SRCAP: variants seen among roughly 807,000 people sequenced by gnomAD.
The protein encoded by SRCAP is Snf2 related CREBBP activator protein.
A neutral mutation model predicts 263.1 loss-of-function variants in SRCAP; 46 were observed. The observed-to-expected ratio is 0.17, with a 90% CI of 0.14 to 0.22. The LOEUF (loss-of-function observed/expected upper bound fraction) is 0.22. Ranked by LOEUF, SRCAP falls within the 10% of genes least tolerant of loss-of-function variation. SRCAP has a pLI of 1.00. For missense variants in SRCAP, 3,695 were observed against 4,181.9 expected (o/e 0.88, Z 3.21); for synonymous variants, 1,813 against 1,662.1 (o/e 1.09, Z -2.21).
At chr16:30,730,436 C>G (rs1268185670) in intron 27 of SRCAP, among the ~76,000 whole-genome samples, 1 of 151,666 alleles carries the variant, frequency 6.6e-6, no homozygotes, top group African/African-American at 2.4e-5. Flanking sequence ...TTCCTTCTTT[C>G]TTTCTTTTTT....
chr16:30,734,217 C>T, intron 30 of SRCAP: 1 of 620,290 alleles, frequency 1.6e-6, no homozygotes, highest in Non-Finnish European at 2.7e-6. Context: ...GTGGTGGGCG[C>T]CTGTAATCCC....
At chr16:30,726,522 C>G (rs2053066052) in intron 25 of SRCAP, among the ~76,000 whole-genome samples, 1 of 141,134 alleles carries the variant, frequency 7.1e-6, no homozygotes, top group Non-Finnish European at 1.6e-5. Context: ...TGAGCCAATA[C>G]TTTTTTTTTT....
At chr16:30,718,951 C>T (rs1444924889) in intron 18 of SRCAP, among the ~76,000 whole-genome samples, 2 of 150,768 alleles carry the variant, frequency 1.3e-5, no homozygotes, top group African/African-American at 4.9e-5. Flanking sequence ...GGCTGGAGTA[C>T]AATGGTGCAG....
intron 3 of SRCAP, among the ~76,000 whole-genome samples, chr16:30,702,205 A>G (rs533496275): frequency 4.0e-5 from 6 of 150,844 alleles, no homozygotes; most frequent in African/African-American, 1.5e-4. Flanking sequence ...CGCCTTACTC[A>G]GCCTCTCAAA....
rs749962222 is a variant in SRCAP, at chr16:30,713,686, A to G, written c.2468A>G (p.Glu823Gly). 1 of 1,614,084 alleles carries G rather than the reference A, an allele frequency of 6.2e-7. No individual in the cohort carries two copies. The highest frequency in any genetic ancestry group is 1.7e-5 in the Admixed American group (1 of 60,018). The change falls in exon 16 of 34, where the codon GAA (glutamate) becomes GGA (glycine). Residue 823 changes from glutamate (E) to glycine (G), a missense_variant. Transcript: ENST00000262518. ...ATTGAGGGCAGCCAAGAGTATAATG[A>G]AGGTCTAGTCAAACGCCTCCACAAG... is the stretch of plus-strand genomic sequence containing the variant. The part of the protein sequence containing the change: ...GMIEGSQEYN[E>G]GLVKRLHKVL...
At position 30,724,471 on chromosome 16, in the gene SRCAP, C is replaced by G. The variant is rs753607138; in HGVS notation, c.5047C>G (p.Leu1683Val). Residue 1683 changes from leucine to valine, a missense_variant, in exon 25 of 34, where the codon CTA (leucine) becomes GTA (valine). Physicochemically the swap from Leu to Val is conservative, Grantham distance 32. This residue lies in a region of SRCAP where 1,347 missense variants were observed against 1,304.4 expected (regional missense o/e 1.03). Transcript: ENST00000262518. ...PSPASTQTLA[L>V]APALAPTLGG... Reference sequence around the variant, plus strand: ...CCCGGCTTCTACGCAGACACTGGCCCTAGCCCCAGCTTTAGCACCCACTCT... The same window carrying G: ...CCCGGCTTCTACGCAGACACTGGCCGTAGCCCCAGCTTTAGCACCCACTCT... The G allele has an allele frequency of 6.2e-7, 1 of 1,614,232 alleles. No homozygotes were observed. The highest frequency in any genetic ancestry group is 2.2e-5 in the East Asian group (1 of 44,886).
intron 4 of SRCAP, among the ~76,000 whole-genome samples, chr16:30,705,507 C>A (rs2052816891): frequency 6.7e-6 from 1 of 148,784 alleles, no homozygotes; most frequent in African/African-American, 2.5e-5. Flanking sequence ...CACAGCCATT[C>A]TCTGGCCTCA....
At chr16:30,705,334 C>T (rs142055334) in intron 4 of SRCAP, among the ~76,000 whole-genome samples, 34 of 152,240 alleles carry the variant, frequency 2.2e-4, no homozygotes, top group African/African-American at 6.5e-4. Context: ...TCTCACCCAC[C>T]GACCCATTTG....
At chr16:30,714,868 T>C (rs918037294) in intron 16 of SRCAP, among the ~76,000 whole-genome samples, 1 of 152,184 alleles carries the variant, frequency 6.6e-6, no homozygotes, top group African/African-American at 2.4e-5. Flanking sequence ...TTGAGTAGAA[T>C]GGTACTGCTG....
intron 1 of SRCAP, among the ~76,000 whole-genome samples, chr16:30,699,475 G>A (rs1254781646): frequency 1.3e-5 from 2 of 152,108 alleles, no homozygotes; most frequent in African/African-American, 4.8e-5. Context: ...CGCAGGTATG[G>A]GATATACAGC....
At chr16:30,713,115 C>CT in intron 14 of SRCAP, 93 bp from the exon 15 acceptor site, 1 of 1,366,432 alleles carries the variant, frequency 7.3e-7, no homozygotes, top group Non-Finnish European at 1.0e-6. Context: ...TTCTTCCAAC[C>CT]TGATTACTGT....
In SRCAP at chr16:30,739,377, C is replaced by G. The variant is rs1223308921; in HGVS notation, c.9337C>G (p.Leu3113Val). 1.2e-6 allele frequency: 2 copies of G among 1,614,234 alleles called. No homozygotes were observed. The highest frequency in any genetic ancestry group is 1.7e-5 in the Admixed American group (1 of 60,028). ...GLELTPPVVS[L>V]TPKLRSTRLR... Reference sequence around the variant, plus strand: ...GGAATTGACACCACCTGTGGTCTCACTAACCCCAAAACTGCGCTCGACCCG... The same window carrying G: ...GGAATTGACACCACCTGTGGTCTCAGTAACCCCAAAACTGCGCTCGACCCG... Residue 3113 changes from leucine (L) to valine (V), a missense_variant, in exon 34 of 34, where the codon CTA (leucine) becomes GTA (valine). Leu to Val is a conservative substitution (Grantham distance 32). Around this residue, in one of 12 missense-constraint regions of SRCAP, gnomAD observed 1,207 missense variants for 1,142.9 expected, o/e 1.06. Coordinates refer to ENST00000262518, the MANE Select transcript of SRCAP (RefSeq NM_006662.3).
In SRCAP at chr16:30,699,251, G is replaced by A; in HGVS notation, c.-284+9G>A. The A allele has an allele frequency of 5.0e-6, 2 of 398,702 alleles. No individual in the cohort carries two copies. Among genetic ancestry groups the A allele is most frequent in the Non-Finnish European group, 8.8e-6 (2 of 226,120 alleles). 24.7% of individuals were successfully genotyped at this position (398,702 alleles called of 1,614,324 possible). On this transcript the variant is annotated intron_variant, in intron 1 of 33. Transcript: ENST00000262518. ...AGGCTTGTTGGCTTCTGGTGAGCTC[G>A]GGTCTTGGGAACGTGTGGCGGAGTA...
chr16:30,733,686 A>G lies in SRCAP; in HGVS notation c.6382A>G (p.Thr2128Ala). The change falls in exon 29 of 34, where the codon ACA becomes GCA. Residue 2128 changes from threonine (T) to alanine (A), a missense_variant. Around this residue, in one of 12 missense-constraint regions of SRCAP, gnomAD observed 138 missense variants for 254.9 expected, o/e 0.54. Transcript: ENST00000262518. The surrounding 1 kb of genome is among the most constrained non-coding windows in gnomAD (Gnocchi z 5.3). ...GAGTGGGGGTGTGGGCGTGAACCTGACAGGAGCAGACACTGTTGTTTTTTA... is the reference window on the plus strand; with the variant it reads ...GAGTGGGGGTGTGGGCGTGAACCTGGCAGGAGCAGACACTGTTGTTTTTTA... Reference protein sequence around the residue: ...TRSGGVGVNLTGADTVVFYDS... With the variant: ...TRSGGVGVNLAGADTVVFYDS... 1 of 1,614,100 alleles carries G rather than the reference A, an allele frequency of 6.2e-7. No homozygotes were observed. The highest frequency in any genetic ancestry group is 8.5e-7 in the Non-Finnish European group (1 of 1,180,026).
At position 30,712,459 on chromosome 16, in the gene SRCAP, T is replaced by C; in HGVS notation, c.1993+20T>C. ...AGAAAGGTAAGTAGGCAAGGCCCCT[T>C]CTTTTGTTCCCCCTAGTCTAGCTCC... On this transcript the variant is annotated intron_variant, in intron 13 of 33. Coordinates refer to ENST00000262518, the MANE Select transcript of SRCAP (RefSeq NM_006662.3). 1 of 1,550,070 alleles carries C rather than the reference T, an allele frequency of 6.5e-7. No individual in the cohort carries two copies. Among genetic ancestry groups the C allele is most frequent in the Non-Finnish European group, 8.7e-7 (1 of 1,151,102 alleles).
Position 30,721,274 on chromosome 16 carries a change from A to G in SRCAP, c.3339A>G (p.Pro1113=), listed in dbSNP as rs755067361. 6.8e-6 allele frequency: 11 copies of G among 1,613,886 alleles called. 1 individual carries two copies. Among genetic ancestry groups the G allele is most frequent in the South Asian group, 6.6e-5 (6 of 91,074 alleles). The change falls in exon 21 of 34, where the codon CCA becomes CCG. Residue 1113 remains proline, a synonymous_variant. Coordinates refer to ENST00000262518, the MANE Select transcript of SRCAP (RefSeq NM_006662.3). ...CCCTAAAGCCAACACCACCTGCCCCAGTTCGCCTGAGCCCAGCCCCACCTC... is the reference window on the plus strand; with the variant it reads ...CCCTAAAGCCAACACCACCTGCCCCGGTTCGCCTGAGCCCAGCCCCACCTC... ...TLSLKPTPPA[P]VRLSPAPPPG...
Position 30,722,709 on chromosome 16 carries a change from G to C in SRCAP, c.3853G>C (p.Ala1285Pro). ...TTCTTCGACCCCCAGCACCACCCCTGCCCCTACTGGCCTCAGCCTTCCGCT... is the reference window on the plus strand; with the variant it reads ...TTCTTCGACCCCCAGCACCACCCCTCCCCCTACTGGCCTCAGCCTTCCGCT... The part of the protein sequence containing the change: ...LPSSTPSTTP[A>P]PTGLSLPLAA... The change falls in exon 23 of 34, where the codon GCC (alanine) becomes CCC (proline). Residue 1285 changes from alanine to proline, a missense_variant. By Grantham distance (27) the Ala-to-Pro change is conservative. This residue lies in a region of SRCAP where 1,347 missense variants were observed against 1,304.4 expected (regional missense o/e 1.03). Coordinates refer to ENST00000262518, the MANE Select transcript of SRCAP (RefSeq NM_006662.3). The C allele has an allele frequency of 6.2e-7, 1 of 1,613,266 alleles. No homozygotes were observed. The highest frequency in any genetic ancestry group is 2.2e-5 in the East Asian group (1 of 44,788).
intron 25 of SRCAP, chr16:30,725,950 ATATT>A (rs1334477853): frequency 6.6e-6 from 1 of 152,036 alleles, no homozygotes; most frequent in African/African-American, 2.4e-5. Flanking sequence ...GGTTTTTAAT[ATATT>A]TATAGGGTTG....
In SRCAP at chr16:30,736,555, G is replaced by A. The variant is rs751044600; in HGVS notation, c.6939G>A (p.Glu2313=). 5 of 1,614,194 alleles carry A rather than the reference G, an allele frequency of 3.1e-6. No individual in the cohort carries two copies. Among genetic ancestry groups the A allele is most frequent in the Non-Finnish European group, 4.2e-6 (5 of 1,180,034 alleles). Residue 2313 remains glutamate (E), a synonymous_variant, in exon 33 of 34, where the codon GAG becomes GAA. Coordinates refer to ENST00000262518, the MANE Select transcript of SRCAP (RefSeq NM_006662.3). ...CCTCCTTGCAGCTGACCCCCATTGA[G>A]CGCTATGCCATGAAATTCCTGGAGG... ...AALVEQLTPI[E]RYAMKFLEAS... is the part of the protein sequence containing the mutation.
Sources: gnomAD v4.1 joint callset for allele counts (sites outside exome capture counted in the v4.1 genomes callset) on GRCh38, gnomAD v4.1.1 for gene constraint, gnomAD v4.1.1 regional missense constraint, Gnocchi (gnomAD v3.1) non-coding constraint, MANE v1.5 for transcripts, NCBI Gene and HGNC (gene_info 2026-07-23, HGNC 2026-07-21) for gene names.